The following PDGFD variants were observed in gnomAD, a reference collection of about 807,000 sequenced individuals.
The protein encoded by PDGFD is platelet derived growth factor D.
In PDGFD, 30 loss-of-function variants were observed where a neutral mutation model predicts 44.7. The observed-to-expected ratio is 0.67, with a 90% CI of 0.50 to 0.91. The LOEUF (loss-of-function observed/expected upper bound fraction) is 0.91, where lower values mean the gene tolerates loss of function less well. Ranked by LOEUF, PDGFD falls within the 40% of genes least tolerant of loss-of-function variation. The pLI is 0.00. For synonymous variants in PDGFD, 173 were observed against 168.4 expected, an observed-to-expected ratio of 1.03 and a Z score of -0.21; for missense variants, 445 against 457.8, an observed-to-expected ratio of 0.97 and a Z score of 0.25.
intron 1 of PDGFD, among the ~76,000 whole-genome samples, chr11:104,159,930 G>A (rs1244523112): frequency 6.6e-6 from 1 of 152,104 alleles, no homozygotes; most frequent in Non-Finnish European, 1.5e-5. Flanking sequence ...GTCAATGCCA[G>A]GTTACATTTA....
intron 3 of PDGFD, among the ~76,000 whole-genome samples, chr11:103,952,657 T>C (rs1858776937): frequency 6.6e-6 from 1 of 152,160 alleles, no homozygotes; most frequent in Non-Finnish European, 1.5e-5. Flanking sequence ...CAATTAGCTA[T>C]TGTGCATCTC....
At position 104,037,370 on chromosome 11, in the gene PDGFD, T is replaced by C. The variant is rs778681215; in HGVS notation, c.125-37115A>G. The C allele has an allele frequency of 2.5e-6, 4 of 1,614,092 alleles. No individual in the cohort carries two copies. The South Asian group carries it at 3.3e-5, about 13-fold the overall frequency. The stretch of plus-strand genomic sequence containing the variant: ...AGCCTTGAGACCTTTTCTCAGGTGC[T>C]GATGGAGCAGCAAAGGGAAAAGGCC... On this transcript the variant is annotated intron_variant, in intron 1 of 6. Coordinates refer to ENST00000393158, the MANE Select transcript of PDGFD (RefSeq NM_025208.5).
At chr11:103,951,384 C>G (rs1448559883) in intron 3 of PDGFD, among the ~76,000 whole-genome samples, 1 of 152,214 alleles carries the variant, frequency 6.6e-6, no homozygotes, top group African/African-American at 2.4e-5. Flanking sequence ...TAGAAACCAG[C>G]AAGTTTCCCA....
At chr11:103,941,956 T>C (rs543073996) in intron 5 of PDGFD, among the ~76,000 whole-genome samples, 1 of 152,270 alleles carries the variant, frequency 6.6e-6, no homozygotes, top group Admixed American at 6.6e-5. Flanking sequence ...ATTTTTTCTT[T>C]AAATTGAATC....
At chr11:104,024,756 T>C (rs923997092) in intron 1 of PDGFD, among the ~76,000 whole-genome samples, 1 of 152,184 alleles carries the variant, frequency 6.6e-6, no homozygotes, top group East Asian at 1.9e-4. Context: ...GGTGCATGAC[T>C]GTACTGTCAA....
intron 3 of PDGFD, among the ~76,000 whole-genome samples, chr11:103,953,133 T>C (rs1326945786): frequency 2.0e-5 from 3 of 150,120 alleles, no homozygotes; most frequent in Admixed American, 2.0e-4. Flanking sequence ...ACACCTTATA[T>C]AACATTTTGT....
intron 6 of PDGFD, 144 bp from the exon 7 acceptor site, chr11:103,909,963 C>A: frequency 1.1e-6 from 1 of 939,254 alleles, no homozygotes; most frequent in Non-Finnish European, 1.6e-6. Context: ...AGAATGCACA[C>A]GTTGCTATTA....
chr11:104,013,481 C>A (rs898758049), intron 1 of PDGFD, among the ~76,000 whole-genome samples: 1 of 152,106 alleles, frequency 6.6e-6, no homozygotes, highest in Non-Finnish European at 1.5e-5. Flanking sequence ...AGCCTGGCAC[C>A]CGCTCGCCTG....
rs113362311 is a variant in PDGFD at position 104,101,270 on chromosome 11, C to A, written c.124+62534G>T. On this transcript the variant is annotated intron_variant, in intron 1 of 6. Transcript: ENST00000393158. ...TCAGGAAAGTCTCAGGATGCAAAAT[C>A]AATGTGCAAAAATCACAAGCATTTT... 3.9e-5 allele frequency among the ~76,000 whole-genome samples: 6 copies of A among 152,252 alleles called. 1 individual carries two copies. Among genetic ancestry groups the A allele is most frequent in the African/African-American group, 1.4e-4 (6 of 41,554 alleles).
intron 1 of PDGFD, among the ~76,000 whole-genome samples, chr11:104,082,986 G>A (rs182080614): frequency 2.6e-5 from 4 of 152,002 alleles, no homozygotes; most frequent in African/African-American, 9.7e-5. Flanking sequence ...GCCAAAGTAC[G>A]GTCACCATCT....
chr11:103,918,733 G>T (rs1872901), intron 6 of PDGFD, among the ~76,000 whole-genome samples: 49,888 of 151,992 alleles, frequency 0.33, 8,368 homozygotes, highest in East Asian at 0.45. Flanking sequence ...AGTGGAAATT[G>T]GACTGCCTTA....
chr11:104,139,402 G>C (rs1480777503), intron 1 of PDGFD, among the ~76,000 whole-genome samples: 1 of 152,114 alleles, frequency 6.6e-6, no homozygotes, highest in African/African-American at 2.4e-5. Flanking sequence ...CAGTTAATGG[G>C]AAAAGCTGAG....
intron 1 of PDGFD, among the ~76,000 whole-genome samples, chr11:104,029,868 C>T (rs576482537): frequency 1.3e-5 from 2 of 152,144 alleles, no homozygotes; most frequent in East Asian, 3.9e-4. Context: ...GTGTTTAGTA[C>T]CATCAACAAA....
chr11:104,028,145 G>T (rs144922222), intron 1 of PDGFD, among the ~76,000 whole-genome samples: 4,761 of 146,122 alleles, frequency 0.033, 272 homozygotes, highest in African/African-American at 0.11. Context: ...AGCCGAGACC[G>T]TACCACTGCA....
chr11:104,065,868 T>A (rs1012435396), intron 1 of PDGFD, among the ~76,000 whole-genome samples: 4 of 152,154 alleles, frequency 2.6e-5, no homozygotes, highest in Non-Finnish European at 4.4e-5. Flanking sequence ...TTCTAAGGGA[T>A]CTCTAGCATT....
At chr11:104,131,988 AAAACAAAAC>A (rs1044022108) in intron 1 of PDGFD, among the ~76,000 whole-genome samples, 4 of 151,918 alleles carry the variant, frequency 2.6e-5, no homozygotes, top group African/African-American at 9.7e-5. Flanking sequence ...AAAACAAAAC[AAAACAAAAC>A]AAAAAAAACA....
At chr11:104,119,710 T>C (rs1359086793) in intron 1 of PDGFD, among the ~76,000 whole-genome samples, 1 of 96,500 alleles carries the variant, frequency 1.0e-5, no homozygotes, top group African/African-American at 4.4e-5. Context: ...TCTATTAATA[T>C]TATAATATAA....
At chr11:104,051,985 GA>G (rs1860545565) in intron 1 of PDGFD, among the ~76,000 whole-genome samples, 2 of 151,932 alleles carry the variant, frequency 1.3e-5, no homozygotes, top group South Asian at 4.2e-4. Flanking sequence ...ACTCCAAAGG[GA>G]AACCCTATAC....
At chr11:103,981,688 C>CA (rs1020800233) in intron 3 of PDGFD, among the ~76,000 whole-genome samples, 171 of 151,688 alleles carry the variant, frequency 1.1e-3, no homozygotes, top group Non-Finnish European at 1.5e-3. Flanking sequence ...AGCTAAAAAA[C>CA]AAAAAAATCA....
Sources: gnomAD v4.1 joint callset for allele counts (sites outside exome capture counted in the v4.1 genomes callset) on GRCh38, gnomAD v4.1.1 for gene constraint, MANE v1.5 for transcripts, NCBI Gene and HGNC (gene_info 2026-07-23, HGNC 2026-07-21) for gene names.